The following CACNB2 variants were observed in gnomAD, a reference collection of about 807,000 sequenced individuals.
CACNB2 encodes calcium voltage-gated channel auxiliary subunit beta 2.
A neutral mutation model predicts 73.3 loss-of-function variants in CACNB2; 42 were observed. The observed-to-expected ratio is 0.57, with a 90% CI of 0.45 to 0.74. The LOEUF is 0.74. Ranked by LOEUF, CACNB2 falls within the 30% of genes least tolerant of loss-of-function variation. CACNB2 has a pLI of 0.00. For missense variants in CACNB2, 940 were observed against 853.0 expected, an observed-to-expected ratio of 1.10 and a Z score of -1.27; for synonymous variants, 348 against 310.3, an observed-to-expected ratio of 1.12 and a Z score of -1.28.
chr10:18,442,958 GTA>G lies in CACNB2; in HGVS notation c.333+40925_333+40926del, dbSNP rs375916403. ...TATATATATGTGTATATATATATAT[GTA>G]TATATATATGTGTATATATATATAT... is the stretch of plus-strand genomic sequence containing the variant. On this transcript the variant is annotated intron_variant, in intron 3 of 13. Transcript: ENST00000324631. Among the ~76,000 whole-genome samples the G allele has an allele frequency of 9.1e-4, 20 of 22,094 alleles. 2 individuals are homozygous for G. Among genetic ancestry groups the G allele is most frequent in the South Asian group, 6.4e-3 (3 of 470 alleles). 14.5% of individuals were successfully genotyped at this position (22,094 alleles called of 152,430 possible). A position where few individuals can be genotyped will look rare whatever the true frequency, so the allele number is the denominator to read the frequency against.
chr10:18,186,887 A>C (rs2034178799), intron 2 of CACNB2, among the ~76,000 whole-genome samples: 1 of 152,240 alleles, frequency 6.6e-6, no homozygotes, highest in Non-Finnish European at 1.5e-5. Context: ...CGAATGGGGC[A>C]GCTTTTGTAC....
intron 3 of CACNB2, among the ~76,000 whole-genome samples, chr10:18,450,204 T>C (rs139738953): frequency 2.0e-5 from 3 of 152,348 alleles, no homozygotes; most frequent in Admixed American, 1.3e-4. Context: ...TTTCTCTTTA[T>C]GTCTGCCTTT....
At chr10:18,437,998 T>G (rs1374271524) in intron 3 of CACNB2, among the ~76,000 whole-genome samples, 2 of 131,272 alleles carry the variant, frequency 1.5e-5, no homozygotes, top group Admixed American at 8.5e-5. Flanking sequence ...CCTGGCCCAG[T>G]TGGATTTTTT....
chr10:18,492,990 G>A (rs1020183291), intron 3 of CACNB2, among the ~76,000 whole-genome samples: 6 of 151,924 alleles, frequency 3.9e-5, no homozygotes, highest in South Asian at 2.1e-4. Flanking sequence ...CCACGTTCAC[G>A]GATTCAACCA....
intron 2 of CACNB2, among the ~76,000 whole-genome samples, chr10:18,233,675 A>G (rs912150022): frequency 2.0e-5 from 3 of 152,152 alleles, no homozygotes; most frequent in Non-Finnish European, 4.4e-5. Context: ...GAGTGCTAGT[A>G]GGTAGGTATT....
At chr10:18,488,968 A>G (rs2049243194) in intron 3 of CACNB2, among the ~76,000 whole-genome samples, 1 of 152,004 alleles carries the variant, frequency 6.6e-6, no homozygotes, top group Non-Finnish European at 1.5e-5. Flanking sequence ...ACCTGAGGTC[A>G]AGAGTTTGAG....
intron 1 of CACNB2, among the ~76,000 whole-genome samples, chr10:18,144,675 A>T (rs2030781296): frequency 2.6e-5 from 4 of 152,250 alleles, no homozygotes; most frequent in Admixed American, 2.6e-4. Flanking sequence ...CAGATATCAA[A>T]GGCTTAAGAT....
intron 2 of CACNB2, among the ~76,000 whole-genome samples, chr10:18,183,978 C>T (rs958760407): frequency 1.3e-5 from 2 of 152,176 alleles, no homozygotes; most frequent in African/African-American, 4.8e-5. Flanking sequence ...AATTATAGTA[C>T]CTATCTAATT....
chr10:18,227,403 A>G (rs1421297422), intron 2 of CACNB2, among the ~76,000 whole-genome samples: 1 of 151,862 alleles, frequency 6.6e-6, no homozygotes, highest in Non-Finnish European at 1.5e-5. Context: ...TCAAAGAGAG[A>G]TAGGAGAAAA....
intron 2 of CACNB2, among the ~76,000 whole-genome samples, chr10:18,174,516 C>T (rs1488821003): frequency 6.6e-6 from 1 of 151,740 alleles, no homozygotes; most frequent in Non-Finnish European, 1.5e-5. Context: ...CAATTCTCCT[C>T]CCTCAGCCTC....
chr10:18,263,333 C>G (rs1378826939), intron 2 of CACNB2, among the ~76,000 whole-genome samples: 1 of 152,104 alleles, frequency 6.6e-6, no homozygotes, highest in Non-Finnish European at 1.5e-5. Flanking sequence ...GCAGCCAGAC[C>G]CCTATGTGGT....
chr10:18,425,934 A>G lies in CACNB2; in HGVS notation c.333+23891A>G, dbSNP rs139342549. 4.3e-3 allele frequency among the ~76,000 whole-genome samples: 661 copies of G among 152,266 alleles called. 8 individuals are homozygous for G. The highest frequency in any genetic ancestry group is 0.015 in the African/African-American group (603 of 41,552). On this transcript the variant is annotated intron_variant, in intron 3 of 13. Coordinates refer to ENST00000324631, the MANE Select transcript of CACNB2 (RefSeq NM_201596.3). Reference sequence around the variant, plus strand: ...GCTCAGTCATAAACCAATTTTCCACATATGAGTAGGTCTGTATCTGAGCTG... The same window carrying G: ...GCTCAGTCATAAACCAATTTTCCACGTATGAGTAGGTCTGTATCTGAGCTG...
intron 2 of CACNB2, among the ~76,000 whole-genome samples, chr10:18,394,144 ATTGGCCAGGCTGGTCTC>A (rs56271643): frequency 0.39 from 58,380 of 151,472 alleles, 11,700 homozygotes; most frequent in Middle Eastern, 0.45. Flanking sequence ...GTTTCACCAT[ATTGGCCAGGCTGGTCTC>A]TTGGCCAGGC....
intron 3 of CACNB2, among the ~76,000 whole-genome samples, chr10:18,418,769 C>G (rs565901290): frequency 6.6e-6 from 1 of 152,266 alleles, no homozygotes; most frequent in East Asian, 1.9e-4. Context: ...GGCGTCAGTT[C>G]TTGAATATTT....
At chr10:18,408,928 C>T (rs1289649800) in intron 3 of CACNB2, among the ~76,000 whole-genome samples, 1 of 152,200 alleles carries the variant, frequency 6.6e-6, no homozygotes, top group Non-Finnish European at 1.5e-5. Flanking sequence ...TTACTGCTTA[C>T]TGCATCCTCG....
intron 2 of CACNB2, among the ~76,000 whole-genome samples, chr10:18,312,339 C>T (rs571173895): frequency 2.0e-5 from 3 of 152,148 alleles, no homozygotes; most frequent in Non-Finnish European, 4.4e-5. Context: ...GAAATATGCA[C>T]AAGCTCCTTT....
intron 9 of CACNB2, among the ~76,000 whole-genome samples, chr10:18,521,013 T>C (rs567930687): frequency 6.6e-6 from 1 of 152,350 alleles, no homozygotes; most frequent in African/African-American, 2.4e-5. Flanking sequence ...TGTGAACTGT[T>C]GTATTCTCAG....
intron 3 of CACNB2, among the ~76,000 whole-genome samples, chr10:18,447,568 A>T (rs2046797648): frequency 6.6e-6 from 1 of 152,280 alleles, no homozygotes; most frequent in South Asian, 2.1e-4. Context: ...AGAGTCAGGG[A>T]GTGTTCAGCA....
At chr10:18,245,970 G>A (rs1399622497) in intron 2 of CACNB2, among the ~76,000 whole-genome samples, 1 of 152,218 alleles carries the variant, frequency 6.6e-6, no homozygotes, top group African/African-American at 2.4e-5. Flanking sequence ...AAATAGCACT[G>A]AAGCACTGGA....
Sources: gnomAD v4.1 joint callset for allele counts (sites outside exome capture counted in the v4.1 genomes callset) on GRCh38, gnomAD v4.1.1 for gene constraint, MANE v1.5 for transcripts, NCBI Gene and HGNC (gene_info 2026-07-23, HGNC 2026-07-21) for gene names.